Variants in EHBP1 observed in about 807,000 individuals in gnomAD.
The protein encoded by EHBP1 is EH domain-binding protein 1.
A neutral mutation model predicts 144.0 loss-of-function variants in EHBP1; 55 were observed. The ratio of observed to expected loss-of-function variants is 0.38; its 90% CI spans 0.31 to 0.48. EHBP1 has a LOEUF of 0.48. Ranked by LOEUF, EHBP1 falls within the 20% of genes least tolerant of loss-of-function variation. EHBP1 has a pLI of 0.98. For synonymous variants in EHBP1, 469 were observed against 472.7 expected (o/e 0.99, Z 0.10); for missense variants, 1,200 against 1,364.2 (o/e 0.88, Z 1.90).
At chr2:62,988,481 T>C (rs2059287388) in intron 15 of EHBP1, among the ~76,000 whole-genome samples, 1 of 152,302 alleles carries the variant, frequency 6.6e-6, no homozygotes, top group African/African-American at 2.4e-5. Context: ...TTACCTTACT[T>C]AAATATTACT....
intron 10 of EHBP1, among the ~76,000 whole-genome samples, chr2:62,882,237 G>A (rs1447214094): frequency 1.3e-5 from 2 of 152,170 alleles, no homozygotes; most frequent in Non-Finnish European, 2.9e-5. Flanking sequence ...CAATCTCCAA[G>A]TGTTTGTTTT....
At chr2:62,731,655 A>C in intron 2 of EHBP1, among the ~76,000 whole-genome samples, 1 of 152,206 alleles carries the variant, frequency 6.6e-6, no homozygotes, top group East Asian at 1.9e-4. Context: ...TGATATAATC[A>C]TATAGCTTTT....
chr2:62,835,904 G>C (rs971434491), intron 7 of EHBP1, among the ~76,000 whole-genome samples: 11 of 152,128 alleles, frequency 7.2e-5, no homozygotes, highest in Non-Finnish European at 1.6e-4. Context: ...AGGTGGCAGC[G>C]AGGCTGGGGG....
At chr2:62,914,694 T>C (rs1000594355) in intron 10 of EHBP1, among the ~76,000 whole-genome samples, 4 of 152,044 alleles carry the variant, frequency 2.6e-5, no homozygotes, top group African/African-American at 9.6e-5. Flanking sequence ...ATTAAAAATA[T>C]TAAGTTGGTT....
At chr2:62,688,578 T>G (rs182411078) in intron 1 of EHBP1, among the ~76,000 whole-genome samples, 15 of 152,298 alleles carry the variant, frequency 9.8e-5, no homozygotes, top group Admixed American at 9.1e-4. Context: ...TTCCTTCTAT[T>G]TAGTTGTAAT....
At chr2:62,863,471 T>TGC (rs2049768262) in intron 8 of EHBP1, among the ~76,000 whole-genome samples, 1 of 152,198 alleles carries the variant, frequency 6.6e-6, no homozygotes, top group African/African-American at 2.4e-5. Context: ...AGCACCATTG[T>TGC]TTTCAAATTA....
At position 62,705,727 on chromosome 2, in the gene EHBP1, G is replaced by C. The variant is rs973805926; in HGVS notation, c.-621G>C. ...TGGGTAGGGTTAGTGTGAGAGGTGC[G>C]GCGGGGGAGGTAATGATGATGGTGG... is the stretch of plus-strand genomic sequence containing the variant. On this transcript the variant is annotated 5_prime_UTR_variant, in exon 1 of 23. Coordinates refer to ENST00000431489, the MANE Select transcript of EHBP1 (RefSeq NM_001142616.3). The C allele has an allele frequency of 6.6e-6, 1 of 152,556 alleles. No homozygotes were observed. The highest frequency in any genetic ancestry group is 2.4e-5 in the African/African-American group (1 of 41,320). 9.5% of individuals were successfully genotyped at this position (152,556 alleles called of 1,614,324 possible).
intron 5 of EHBP1, among the ~76,000 whole-genome samples, chr2:62,819,355 A>G (rs978179128): frequency 6.6e-6 from 1 of 152,248 alleles, no homozygotes; most frequent in Admixed American, 6.5e-5. Flanking sequence ...GTACATGTAC[A>G]TATCCTATGA....
intron 2 of EHBP1, among the ~76,000 whole-genome samples, chr2:62,711,557 A>G (rs1222693364): frequency 2.0e-5 from 3 of 152,204 alleles, no homozygotes; most frequent in African/African-American, 7.2e-5. Flanking sequence ...AGGCTGGATC[A>G]TCTTAGTATG....
intron 1 of EHBP1, among the ~76,000 whole-genome samples, chr2:62,679,706 C>T (rs2033443212): frequency 6.6e-6 from 1 of 151,976 alleles, no homozygotes; most frequent in Non-Finnish European, 1.5e-5. Flanking sequence ...TAAAAGTTGG[C>T]AAAAAACATT....
chr2:63,037,734 C>A, intron 20 of EHBP1, 100 bp downstream of exon 20: 1 of 682,210 alleles, frequency 1.5e-6, no homozygotes, highest in South Asian at 2.2e-5. Flanking sequence ...TCGGTATTTT[C>A]CCTTTCCTTA....
intron 4 of EHBP1, among the ~76,000 whole-genome samples, chr2:62,770,386 A>G (rs2041567488): frequency 6.6e-6 from 1 of 152,204 alleles, no homozygotes; most frequent in Non-Finnish European, 1.5e-5. Flanking sequence ...AAAAACATAC[A>G]TGTAGCCAAC....
upstream of EHBP1, among the ~76,000 whole-genome samples, chr2:62,704,990 G>T (rs1206591702): frequency 6.6e-6 from 1 of 152,152 alleles, no homozygotes; most frequent in East Asian, 1.9e-4. Flanking sequence ...AAGATTCAAA[G>T]AAATGTTGAA....
chr2:62,956,759 T>C (rs1163785854), intron 14 of EHBP1, among the ~76,000 whole-genome samples: 3 of 151,774 alleles, frequency 2.0e-5, no homozygotes, highest in African/African-American at 7.3e-5. Flanking sequence ...GGTTAATAGA[T>C]TCTGTGAGTT....
intron 7 of EHBP1, among the ~76,000 whole-genome samples, chr2:62,855,422 T>C (rs2048971922): frequency 6.6e-6 from 1 of 152,028 alleles, no homozygotes; most frequent in Non-Finnish European, 1.5e-5. Context: ...ACCTACACCC[T>C]AGGCACCATG....
chr2:62,843,713 A>G (rs962146481), intron 7 of EHBP1, among the ~76,000 whole-genome samples: 1 of 152,212 alleles, frequency 6.6e-6, no homozygotes, highest in African/African-American at 2.4e-5. Flanking sequence ...CAACAGCACG[A>G]CCACTTTAAA....
At chr2:62,773,799 C>T (rs978042181) in intron 5 of EHBP1, among the ~76,000 whole-genome samples, 3 of 120,992 alleles carry the variant, frequency 2.5e-5, no homozygotes, top group Admixed American at 1.2e-4. Flanking sequence ...TGCAGTGAGC[C>T]GAGATCGCGC....
At chr2:62,920,794 C>CCT (rs1227763619) in intron 10 of EHBP1, among the ~76,000 whole-genome samples, 4 of 152,132 alleles carry the variant, frequency 2.6e-5, no homozygotes, top group African/African-American at 9.6e-5. Context: ...TTCCGAGTAG[C>CCT]TGCGATTACA....
chr2:62,755,663 A>G (rs2040210890), intron 3 of EHBP1, among the ~76,000 whole-genome samples: 1 of 152,182 alleles, frequency 6.6e-6, no homozygotes, highest in Non-Finnish European at 1.5e-5. Flanking sequence ...GTTTGAGAGC[A>G]TTATAATTTG....
Sources: gnomAD v4.1 joint callset for allele counts (sites outside exome capture counted in the v4.1 genomes callset) on GRCh38, gnomAD v4.1.1 for gene constraint, MANE v1.5 for transcripts, NCBI Gene and HGNC (gene_info 2026-07-23, HGNC 2026-07-21) for gene names.